Variants in TMEM132D observed in about 807,000 individuals in gnomAD.
The protein encoded by TMEM132D is transmembrane protein 132D.
A neutral mutation model predicts 62.3 loss-of-function variants in TMEM132D; 21 were observed. That is an observed-to-expected ratio of 0.34 (90% CI 0.24 to 0.49). The LOEUF (loss-of-function observed/expected upper bound fraction) is 0.49. Ranked by LOEUF, TMEM132D falls within the 20% of genes least tolerant of loss-of-function variation. The pLI is 0.99. For missense variants in TMEM132D, 1,346 were observed against 1,402.8 expected, an observed-to-expected ratio of 0.96 and a Z score of 0.65; for synonymous variants, 621 against 575.6, an observed-to-expected ratio of 1.08 and a Z score of -1.13.
At chr12:129,336,824 G>A (rs953150363) in intron 4 of TMEM132D, among the ~76,000 whole-genome samples, 4 of 152,210 alleles carry the variant, frequency 2.6e-5, no homozygotes, top group African/African-American at 9.6e-5. Context: ...AGCAGGAGGT[G>A]CTCAGGGAGA....
chr12:129,083,913 A>G (rs1281718486), intron 6 of TMEM132D, among the ~76,000 whole-genome samples: 1 of 152,136 alleles, frequency 6.6e-6, no homozygotes, highest in Non-Finnish European at 1.5e-5. Flanking sequence ...GGGGTAATGT[A>G]CCAGACACTC....
At position 129,869,521 on chromosome 12, in the gene TMEM132D, A is replaced by G. The variant is rs1874175050; in HGVS notation, c.79+33740T>C. Among the ~76,000 whole-genome samples the G allele has an allele frequency of 4.6e-5, 7 of 152,140 alleles. No homozygotes were observed. The South Asian group carries it at 1.5e-3, about 32-fold the overall frequency. ...GTGGTTGTTACGCCGTATTGCTTTC[A>G]TATTTGCATTTTTATTGTTATATTG... On this transcript the variant is annotated intron_variant, in intron 1 of 8. Coordinates refer to ENST00000422113, the MANE Select transcript of TMEM132D (RefSeq NM_133448.3).
chr12:129,671,739 A>C (rs544065535), intron 2 of TMEM132D, among the ~76,000 whole-genome samples: 1 of 152,296 alleles, frequency 6.6e-6, no homozygotes, highest in South Asian at 2.1e-4. Context: ...CCTATGGCCC[A>C]AGAGAAGGAC....
chr12:129,618,509 A>G lies in TMEM132D; in HGVS notation c.968+81301T>C, dbSNP rs1593091453. 4.6e-5 allele frequency among the ~76,000 whole-genome samples: 7 copies of G among 152,306 alleles called. No homozygotes were observed. In the East Asian group the frequency reaches 1.4e-3, roughly 29 times the overall value. ...CCTTTTCTGTAAAAGTTGAGTTACT[A>G]TATTTGGCTTTGTAGACTATATGTT... is the stretch of plus-strand genomic sequence containing the variant. On this transcript the variant is annotated intron_variant, in intron 2 of 8. Coordinates refer to ENST00000422113, the MANE Select transcript of TMEM132D (RefSeq NM_133448.3).
At chr12:129,410,994 T>A (rs916511343) in intron 3 of TMEM132D, among the ~76,000 whole-genome samples, 1 of 77,926 alleles carries the variant, frequency 1.3e-5, no homozygotes, top group Admixed American at 1.2e-4. Flanking sequence ...AACTTCATTT[T>A]AAATTTTTTT....
chr12:129,606,253 T>G (rs538895612), intron 2 of TMEM132D, among the ~76,000 whole-genome samples: 1 of 152,152 alleles, frequency 6.6e-6, no homozygotes, highest in African/African-American at 2.4e-5. Flanking sequence ...TCAGAAAGCT[T>G]CAAAGGGGCT....
chr12:129,084,804 C>T lies in TMEM132D; in HGVS notation c.1444-102G>A, dbSNP rs769675022. 21 of 1,089,036 alleles carry T rather than the reference C, an allele frequency of 1.9e-5. No homozygotes were observed. In the African/African-American group the frequency reaches 2.2e-4, roughly 11 times the overall value. 67.5% of individuals were successfully genotyped at this position (1,089,036 alleles called of 1,614,324 possible). On this transcript the variant is annotated intron_variant, in intron 5 of 8. Coordinates refer to ENST00000422113, the MANE Select transcript of TMEM132D (RefSeq NM_133448.3). ...GGAAGTGCCCTGGCTGGTGGAGGTG[C>T]TTCCCTTTCCTCCCCTTACTATGGG...
chr12:129,405,410 C>T (rs560336027), intron 3 of TMEM132D, among the ~76,000 whole-genome samples: 7 of 152,300 alleles, frequency 4.6e-5, no homozygotes, highest in African/African-American at 1.7e-4. Context: ...AGGGCATCAA[C>T]ATGTAAATCT....
chr12:129,372,153 C>G (rs77474020), intron 3 of TMEM132D, among the ~76,000 whole-genome samples: 2 of 152,208 alleles, frequency 1.3e-5, no homozygotes, highest in Admixed American at 1.3e-4. Flanking sequence ...GCCAAGGAAA[C>G]AGATTCTTCC....
chr12:129,741,789 G>A (rs1177632407), intron 1 of TMEM132D, among the ~76,000 whole-genome samples: 1 of 152,218 alleles, frequency 6.6e-6, no homozygotes, highest in Non-Finnish European at 1.5e-5. Flanking sequence ...GGGGGCTTAA[G>A]TAGCTTATTT....
intron 2 of TMEM132D, among the ~76,000 whole-genome samples, chr12:129,546,630 T>C (rs754194311): frequency 6.6e-6 from 1 of 151,816 alleles, no homozygotes; most frequent in Non-Finnish European, 1.5e-5. Flanking sequence ...TGAAACCCCG[T>C]CTCTACTAAA....
chr12:129,103,653 G>A (rs2135637956), intron 5 of TMEM132D, among the ~76,000 whole-genome samples: 1 of 152,304 alleles, frequency 6.6e-6, no homozygotes, highest in East Asian at 1.9e-4. Context: ...AAAGTGCTGG[G>A]ATTACAGGCG....
At chr12:129,083,651 C>T (rs143211191) in intron 6 of TMEM132D, among the ~76,000 whole-genome samples, 405 of 152,316 alleles carry the variant, frequency 2.7e-3, no homozygotes, top group African/African-American at 9.6e-3. Context: ...AATATAAGTT[C>T]TCCCTCAGAT....
chr12:129,587,469 A>T (rs1878061696), intron 2 of TMEM132D, among the ~76,000 whole-genome samples: 1 of 152,120 alleles, frequency 6.6e-6, no homozygotes, highest in African/African-American at 2.4e-5. Context: ...TGATGAACTA[A>T]TTCGTACAAC....
chr12:129,738,847 T>C (rs1342250136), intron 1 of TMEM132D, among the ~76,000 whole-genome samples: 1 of 152,198 alleles, frequency 6.6e-6, no homozygotes, highest in African/African-American at 2.4e-5. Flanking sequence ...GATAACTTTA[T>C]CTGTAGAAGA....
At chr12:129,432,252 TGGATGGATGGAA>T (rs553841811) in intron 3 of TMEM132D, among the ~76,000 whole-genome samples, 2,005 of 149,916 alleles carry the variant, frequency 0.013, 57 homozygotes, top group African/African-American at 0.045. Context: ...GATGGTTGCT[TGGATGGATGGAA>T]GGATGGATGG....
chr12:129,523,309 G>A (rs1369717404), intron 3 of TMEM132D, among the ~76,000 whole-genome samples: 1 of 152,122 alleles, frequency 6.6e-6, no homozygotes, highest in African/African-American at 2.4e-5. Context: ...AGTGGCCTTC[G>A]TAGGACTCTG....
intron 1 of TMEM132D, among the ~76,000 whole-genome samples, chr12:129,832,048 T>C (rs1872858023): frequency 7.1e-6 from 1 of 141,454 alleles, no homozygotes; most frequent in South Asian, 2.3e-4. Context: ...TTTTTTTTTT[T>C]TTTTTTTTTT....
intron 3 of TMEM132D, among the ~76,000 whole-genome samples, chr12:129,392,996 G>A (rs551047604): frequency 4.1e-4 from 62 of 152,314 alleles, no homozygotes; most frequent in African/African-American, 5.5e-4. Flanking sequence ...TCCAATCTAC[G>A]TTACAGGTGC....
Sources: allele counts gnomAD v4.1 joint callset (sites outside exome capture counted in the v4.1 genomes callset), GRCh38; gene constraint gnomAD v4.1.1; transcripts MANE v1.5; gene names NCBI Gene and HGNC (gene_info 2026-07-23, HGNC 2026-07-21).